Variants in PRG4 observed in about 807,000 individuals in gnomAD.
PRG4 encodes proteoglycan 4, also known as articular superficial zone protein.
PRG4 carries 61 observed loss-of-function variants against 91.2 expected under a neutral mutation model. The observed-to-expected ratio is 0.67, with a 90% CI of 0.54 to 0.83. The LOEUF is 0.83. Among genes scored for constraint, PRG4 ranks in the 40% least tolerant of loss-of-function variants. The pLI is 0.00. For synonymous variants in PRG4, 576 were observed against 614.2 expected (o/e 0.94, Z 0.92); for missense variants, 1,564 against 1,714.2 (o/e 0.91, Z 1.55).
rs567025228 is a variant in PRG4, at chr1:186,307,383, C to T, written c.1664C>T (p.Thr555Ile). 1 of 1,603,314 alleles carries T rather than the reference C, an allele frequency of 6.2e-7. No homozygotes were observed. Among genetic ancestry groups the T allele is most frequent in the Admixed American group, 1.7e-5 (1 of 59,098 alleles). ...ACCACTCCCAAGGAGCCTTCACCCACCACCACCAAGGAGCCTGCACCCACC... is the reference window on the plus strand; with the variant it reads ...ACCACTCCCAAGGAGCCTTCACCCATCACCACCAAGGAGCCTGCACCCACC... ...APTTPKEPSP[T>I]TTKEPAPTTP... is the part of the protein sequence containing the mutation. Residue 555 changes from threonine (T) to isoleucine (I), a missense_variant, in exon 7 of 13, where the codon ACC (threonine) becomes ATC (isoleucine). Physicochemically the swap from Thr to Ile is moderately conservative, Grantham distance 89. Around this residue, in one of 3 missense-constraint regions of PRG4, gnomAD observed 1,079 missense variants for 1,162.2 expected, o/e 0.93. Transcript: ENST00000445192.
At chr1:186,299,914 A>C (rs1656088906) in intron 2 of PRG4, among the ~76,000 whole-genome samples, 177 bp from the exon 3 acceptor site, 1 of 152,212 alleles carries the variant, frequency 6.6e-6, no homozygotes, top group Non-Finnish European at 1.5e-5. Context: ...AAAGTGACAT[A>C]ATTGAGATCA....
intron 7 of PRG4, 116 bp from the exon 8 acceptor site, chr1:186,309,673 GTCCT>G (rs1306455144): frequency 3.3e-5 from 25 of 761,572 alleles, no homozygotes; most frequent in Admixed American, 5.8e-5. Flanking sequence ...GTCAAACTGT[GTCCT>G]TCAAGATCTT....
intron 4 of PRG4, among the ~76,000 whole-genome samples, chr1:186,301,917 C>G (rs1399822172): frequency 6.6e-6 from 1 of 152,182 alleles, no homozygotes; most frequent in Non-Finnish European, 1.5e-5. Flanking sequence ...CTCAGCCAGG[C>G]TCCAAGAGTA....
chr1:186,309,695 G>T (rs1657030398), intron 7 of PRG4, 98 bp from the exon 8 acceptor site: 8 of 906,916 alleles, frequency 8.8e-6, no homozygotes, highest in Non-Finnish European at 1.5e-5. Flanking sequence ...CTTAGAAAAG[G>T]TAAACAGGAA....
chr1:186,302,602 A>G (rs1656295903), intron 4 of PRG4, among the ~76,000 whole-genome samples: 1 of 152,224 alleles, frequency 6.6e-6, no homozygotes, highest in Admixed American at 6.5e-5. Flanking sequence ...AAAACTGCTA[A>G]TCAGCAGAAT....
At chr1:186,310,730 G>A (rs1226565565) in intron 8 of PRG4, among the ~76,000 whole-genome samples, 1 of 147,922 alleles carries the variant, frequency 6.8e-6, no homozygotes, top group Non-Finnish European at 1.5e-5. Context: ...TCAAACTCCT[G>A]GGCCCAAGCC....
chr1:186,312,782 T>C lies in PRG4; in HGVS notation c.4005T>C (p.Asn1335=). 5 of 1,613,114 alleles carry C rather than the reference T, an allele frequency of 3.1e-6. No homozygotes were observed. The highest frequency in any genetic ancestry group is 4.2e-6 in the Non-Finnish European group (5 of 1,179,110). ...LAYQDKGVLH[N]EVKVSILWRG... is the part of the protein sequence containing the mutation. ...TGCCACTTACAGGTGTCCTTCATAATGAAGTTAAAGTGAGTATACTGTGGA... is the reference window on the plus strand; with the variant it reads ...TGCCACTTACAGGTGTCCTTCATAACGAAGTTAAAGTGAGTATACTGTGGA... The change falls in exon 12 of 13, where the codon AAT becomes AAC. Residue 1335 remains asparagine, a synonymous_variant. Transcript: ENST00000445192.
In PRG4 at chr1:186,307,350, C is replaced by G. The variant is rs776958106; in HGVS notation, c.1631C>G (p.Ser544Cys). Residue 544 changes from serine (S) to cysteine (C), a missense_variant, in exon 7 of 13, where the codon TCT becomes TGT. Ser to Cys is a moderately radical substitution (Grantham distance 112). Around this residue, in one of 3 missense-constraint regions of PRG4, gnomAD observed 1,079 missense variants for 1,162.2 expected, o/e 0.93. Coordinates refer to ENST00000445192, the MANE Select transcript of PRG4 (RefSeq NM_005807.6). ...TKEPAPTTTKSAPTTPKEPSP... is the reference protein window; with the variant it reads ...TKEPAPTTTKCAPTTPKEPSP... ...GAGCCTGCACCCACCACTACCAAGT[C>G]TGCACCCACCACTCCCAAGGAGCCT... is the stretch of plus-strand genomic sequence containing the variant. 6.3e-7 allele frequency: 1 copy of G among 1,583,438 alleles called. No homozygotes were observed. Among genetic ancestry groups the G allele is most frequent in the South Asian group, 1.1e-5 (1 of 89,698 alleles).
At chr1:186,312,127 TATTAAA>T (rs747928688) in intron 10 of PRG4, 42 bp from the exon 11 acceptor site, 58 of 1,541,162 alleles carry the variant, frequency 3.8e-5, no homozygotes, top group Non-Finnish European at 5.0e-5. Flanking sequence ...TTTCTGAGGG[TATTAAA>T]ATTAATTTTC....
intron 2 of PRG4, among the ~76,000 whole-genome samples, chr1:186,299,593 C>T (rs981140952): frequency 1.3e-5 from 2 of 152,132 alleles, no homozygotes; most frequent in Non-Finnish European, 2.9e-5. Flanking sequence ...ACCTATGATG[C>T]CAATATACTG....
At chr1:186,309,170 A>G in intron 7 of PRG4, 30 bp downstream of exon 7, 3 of 1,586,600 alleles carry the variant, frequency 1.9e-6, no homozygotes, top group Non-Finnish European at 2.6e-6. Context: ...TTCATTTTTA[A>G]AGCTGGTAAT....
chr1:186,302,859 G>A (rs1353909370), intron 4 of PRG4, among the ~76,000 whole-genome samples: 1 of 152,050 alleles, frequency 6.6e-6, no homozygotes, highest in East Asian at 1.9e-4. Flanking sequence ...GAGACATTGA[G>A]AGAACATTTT....
At chr1:186,312,548 T>C in intron 11 of PRG4, 176 bp downstream of exon 11, 2 of 814,262 alleles carry the variant, frequency 2.5e-6, no homozygotes, top group South Asian at 3.7e-5. Context: ...ATACTTTCTT[T>C]TTCCTTGTGG....
chr1:186,302,590 G>A (rs192805796), intron 4 of PRG4, among the ~76,000 whole-genome samples: 19 of 152,268 alleles, frequency 1.2e-4, no homozygotes, highest in Admixed American at 4.6e-4. Context: ...AAGAAAGATC[G>A]GAAAACTGCT....
At position 186,301,399 on chromosome 1, in the gene PRG4, T is replaced by C. The variant is rs1326280878; in HGVS notation, c.200-193T>C. 3.9e-5 allele frequency among the ~76,000 whole-genome samples: 6 copies of C among 152,192 alleles called. No homozygotes were observed. The East Asian group carries it at 1.2e-3, about 29-fold the overall frequency. On this transcript the variant is annotated intron_variant, in intron 3 of 12. Transcript: ENST00000445192. ...GAGTTGCCCTCAGTCACCATATTTC[T>C]TTTTTGACTTGGGCTGTCTCCATCT...
chr1:186,307,689 C>A lies in PRG4; in HGVS notation c.1970C>A (p.Thr657Lys), dbSNP rs774077263. The change falls in exon 7 of 13, where the codon ACA (threonine) becomes AAA (lysine). Residue 657 changes from threonine (T) to lysine (K), a missense_variant. By Grantham distance (78) the Thr-to-Lys change is moderately conservative. Transcript: ENST00000445192. ...ELAPTTPEEPTPTTPEEPAPT... is the reference protein window; with the variant it reads ...ELAPTTPEEPKPTTPEEPAPT... ...GCACCCACCACCCCTGAGGAGCCCA[C>A]ACCCACCACCCCTGAGGAGCCTGCT... The A allele has an allele frequency of 1.9e-6, 3 of 1,609,498 alleles. No homozygotes were observed. The highest frequency in any genetic ancestry group is 1.7e-6 in the Non-Finnish European group (2 of 1,178,900).
At chr1:186,297,660 C>A (rs1449629094) in intron 2 of PRG4, among the ~76,000 whole-genome samples, 1 of 152,178 alleles carries the variant, frequency 6.6e-6, no homozygotes, top group Non-Finnish European at 1.5e-5. Context: ...TTAATAGTAA[C>A]AATGCCAAGC....
chr1:186,313,362 T>C (rs1313163199), intron 12 of PRG4: 9 of 339,526 alleles, frequency 2.7e-5, no homozygotes, highest in East Asian at 1.5e-4. Flanking sequence ...ATGAATGACA[T>C]TGGCATGTAT....
rs915590052 is a variant in PRG4 at position 186,306,673 on chromosome 1, TA to T, written c.957del (p.Asp320IlefsTer2). On this transcript the variant is annotated frameshift_variant, in exon 7 of 13. Transcript: ENST00000445192. LOFTEE classifies it high-confidence loss of function. ...ETQSIEKTSA[K>X]DLAPTSKVLA... ...CACAAAGTATAGAGAAAACATCTGC[TA>T]AAGATTTAGCACCCACATCTAAAGT... The T allele has an allele frequency of 2.5e-6, 4 of 1,613,578 alleles. No individual in the cohort carries two copies. The highest frequency in any genetic ancestry group is 3.4e-6 in the Non-Finnish European group (4 of 1,179,780).
Sources: allele counts gnomAD v4.1 joint callset (sites outside exome capture counted in the v4.1 genomes callset), GRCh38; gene constraint gnomAD v4.1.1; regional missense constraint gnomAD v4.1.1; transcripts MANE v1.5; gene names NCBI Gene and HGNC (gene_info 2026-07-23, HGNC 2026-07-21).